SH3KBP1: variants seen among roughly 807,000 people sequenced by gnomAD.
The protein encoded by SH3KBP1 is SH3 domain-containing kinase-binding protein 1.
A neutral mutation model predicts 50.1 loss-of-function variants in SH3KBP1; 8 were observed. That is an observed-to-expected ratio of 0.16 (90% CI 0.09 to 0.29). The LOEUF is 0.29. Ranked by LOEUF, SH3KBP1 falls within the 10% of genes least tolerant of loss-of-function variation. The pLI is 1.00. For synonymous variants in SH3KBP1, 227 were observed against 218.6 expected (o/e 1.04, Z -0.34); for missense variants, 377 against 535.2 (o/e 0.70, Z 2.92).
At chrX:19,615,994 T>C (rs745326350) in intron 8 of SH3KBP1, among the ~76,000 whole-genome samples, 2 of 109,383 alleles carry the variant, frequency 1.8e-5, no homozygotes, top group South Asian at 4.1e-4. Flanking sequence ...AGTAGAGCCA[T>C]TGTTGAACGT....
chrX:19,845,395 G>A (rs938954632), intron 1 of SH3KBP1, among the ~76,000 whole-genome samples: 4 of 105,476 alleles, frequency 3.8e-5, no homozygotes, highest in Non-Finnish European at 7.8e-5. Flanking sequence ...GGAGAATGGC[G>A]TGAACCCAGG....
chrX:19,582,426 A>T (rs1430563844), intron 12 of SH3KBP1, among the ~76,000 whole-genome samples: 2 of 111,728 alleles, frequency 1.8e-5, no homozygotes, highest in African/African-American at 3.3e-5. Flanking sequence ...CGCGTGGGTG[A>T]TCCATCCCCA....
At chrX:19,807,560 C>T (rs1415699806) in intron 2 of SH3KBP1, among the ~76,000 whole-genome samples, 1 of 111,603 alleles carries the variant, frequency 9.0e-6, no homozygotes, top group African/African-American at 3.3e-5. Context: ...GCCACTCTAG[C>T]CTTTTCCTCT....
intron 3 of SH3KBP1, among the ~76,000 whole-genome samples, chrX:19,723,211 A>T (rs1313662849): frequency 3.6e-5 from 4 of 111,168 alleles, no homozygotes; most frequent in Non-Finnish European, 7.5e-5. Context: ...CACTTTCAGG[A>T]AGTTATACTC....
At chrX:19,663,586 A>G (rs1333855081) in intron 6 of SH3KBP1, among the ~76,000 whole-genome samples, 1 of 111,664 alleles carries the variant, frequency 9.0e-6, no homozygotes, top group Non-Finnish European at 1.9e-5. Flanking sequence ...GTACTGTTGG[A>G]ACTGACAACA....
At chrX:19,630,754 G>T (rs1602727800) in intron 8 of SH3KBP1, among the ~76,000 whole-genome samples, 2 of 111,908 alleles carry the variant, frequency 1.8e-5, no homozygotes, top group South Asian at 7.4e-4. Flanking sequence ...AACTTCTTGG[G>T]TCATTAGTTC....
At chrX:19,836,040 T>C (rs2068048843) in intron 2 of SH3KBP1, 85 bp downstream of exon 2, 1 of 889,855 alleles carries the variant, frequency 1.1e-6, no homozygotes, top group Admixed American at 2.4e-5. Context: ...AGAGAGTTCA[T>C]GCAATTCATC....
chrX:19,831,412 CA>C (rs1168426297), intron 2 of SH3KBP1, among the ~76,000 whole-genome samples: 54 of 47,590 alleles, frequency 1.1e-3, no homozygotes, highest in Middle Eastern at 0.029. Context: ...CAACCCATCT[CA>C]AAAAAAAAAA....
At chrX:19,867,775 T>C (rs916491747) in intron 1 of SH3KBP1, among the ~76,000 whole-genome samples, 5 of 111,409 alleles carry the variant, frequency 4.5e-5, no homozygotes, top group African/African-American at 1.6e-4. Flanking sequence ...GTTTGTCCTA[T>C]CTTATATACA....
intron 8 of SH3KBP1, among the ~76,000 whole-genome samples, chrX:19,630,286 G>A (rs1434665424): frequency 9.0e-6 from 1 of 111,663 alleles, no homozygotes; most frequent in African/African-American, 3.3e-5. Flanking sequence ...TCATCAAGGG[G>A]GAAAAAAGCA....
intron 6 of SH3KBP1, among the ~76,000 whole-genome samples, chrX:19,668,974 A>ATATATATATATTTT (rs1491195501): frequency 1.6e-5 from 1 of 63,872 alleles, no homozygotes; most frequent in Non-Finnish European, 3.0e-5. Context: ...ATATATATAT[A>ATATATATATATTTT]TTTTTTGAGA....
intron 8 of SH3KBP1, among the ~76,000 whole-genome samples, chrX:19,620,076 C>A (rs1326543763): frequency 2.7e-5 from 3 of 112,286 alleles, no homozygotes; most frequent in African/African-American, 6.5e-5. Flanking sequence ...ATTGACTCTG[C>A]ATCCAAATAC....
At chrX:19,576,617 A>T (rs1361083866) in intron 12 of SH3KBP1, among the ~76,000 whole-genome samples, 1 of 111,112 alleles carries the variant, frequency 9.0e-6, no homozygotes, top group African/African-American at 3.3e-5. Flanking sequence ...TTTAAAAAAA[A>T]TTTTTGTAGA....
At position 19,643,312 on chromosome X, in the gene SH3KBP1, TTTTTTTTTTA is replaced by T. The variant is rs2061911649; in HGVS notation, c.802+2078_802+2087del. ...CTGAAACTGAAGAATTTTTTATTTT[TTTTTTTTTTA>T]TTTTTTTTTTTTTTTGAGACAGGGT... On this transcript the variant is annotated intron_variant, in intron 7 of 17. Coordinates refer to ENST00000397821, the MANE Select transcript of SH3KBP1 (RefSeq NM_031892.3). Among the ~76,000 whole-genome samples, 10 of 87,887 alleles carry T rather than the reference TTTTTTTTTTA, an allele frequency of 1.1e-4. 1 individual carries two copies. The highest frequency in any genetic ancestry group is 3.2e-4 in the African/African-American group (5 of 15,636). The allele number at this position is 87,887 out of a possible 115,157, so 76.3% of individuals were successfully genotyped here. A position where few individuals can be genotyped will look rare whatever the true frequency, so the allele number is the denominator to read the frequency against.
intron 12 of SH3KBP1, among the ~76,000 whole-genome samples, chrX:19,587,417 C>A (rs1438727853): frequency 9.1e-6 from 1 of 110,313 alleles, no homozygotes; most frequent in East Asian, 2.8e-4. Flanking sequence ...AATGGTTGTA[C>A]AACAATGTGA....
In SH3KBP1 at chrX:19,795,091, T is replaced by C. The variant is rs1483857068; in HGVS notation, c.162+41034A>G. ...ACTTAGCACTCAATGCTTCAAGGCA[T>C]GTTACGATATTCGCTCCCTTTCATT... On this transcript the variant is annotated intron_variant, in intron 2 of 17. Transcript: ENST00000397821. 2.7e-5 allele frequency among the ~76,000 whole-genome samples: 3 copies of C among 112,316 alleles called. No homozygotes were observed. In the Admixed American group the frequency reaches 2.8e-4, roughly 11 times the overall value.
At chrX:19,853,503 C>T (rs929552206) in intron 1 of SH3KBP1, among the ~76,000 whole-genome samples, 1 of 110,935 alleles carries the variant, frequency 9.0e-6, no homozygotes, top group African/African-American at 3.3e-5. Context: ...GGAAGCACAC[C>T]CTGCGAGGAT....
chrX:19,887,377 G>A lies in SH3KBP1; in HGVS notation c.-67C>T. The A allele has an allele frequency of 1.1e-6, 1 of 906,087 alleles. No homozygotes were observed. The highest frequency in any genetic ancestry group is 1.4e-6 in the Non-Finnish European group (1 of 724,916). The allele number at this position is 906,087 out of a possible 1,213,427, so 74.7% of individuals were successfully genotyped here. On this transcript the variant is annotated 5_prime_UTR_variant, in exon 1 of 18. Coordinates refer to ENST00000397821, the MANE Select transcript of SH3KBP1 (RefSeq NM_031892.3). ...TGGCGGAGGCGGGCGTGGGGGTTGGGGCGCCGGGATCGGGGCGCTGGGATC... is the reference window on the plus strand; with the variant it reads ...TGGCGGAGGCGGGCGTGGGGGTTGGAGCGCCGGGATCGGGGCGCTGGGATC...
intron 2 of SH3KBP1, among the ~76,000 whole-genome samples, chrX:19,820,256 C>A (rs2067487642): frequency 8.9e-6 from 1 of 112,108 alleles, no homozygotes; most frequent in South Asian, 3.7e-4. Flanking sequence ...GCCTTCTATA[C>A]CCTTGCTGAT....
Sources: gnomAD v4.1 joint callset for allele counts (sites outside exome capture counted in the v4.1 genomes callset) on GRCh38, gnomAD v4.1.1 for gene constraint, MANE v1.5 for transcripts, NCBI Gene and HGNC (gene_info 2026-07-23, HGNC 2026-07-21) for gene names.